The following EIF2B3 variants were observed in gnomAD, a reference collection of about 807,000 sequenced individuals.
EIF2B3 encodes the protein translation initiation factor eIF2B subunit gamma.
Under a neutral mutation model 54.1 loss-of-function variants are expected in EIF2B3, and 20 were observed. The ratio of observed to expected loss-of-function variants is 0.37; its 90% CI spans 0.26 to 0.54. EIF2B3 has a LOEUF of 0.54. Among genes scored for constraint, EIF2B3 ranks in the 20% least tolerant of loss-of-function variants. EIF2B3 has a pLI of 0.86. For synonymous variants in EIF2B3, 153 were observed against 188.1 expected (o/e 0.81, Z 1.52); for missense variants, 448 against 547.8 (o/e 0.82, Z 1.82).
intron 6 of EIF2B3, among the ~76,000 whole-genome samples, chr1:44,888,888 T>G (rs1380795959): frequency 6.6e-6 from 1 of 152,226 alleles, no homozygotes; most frequent in African/African-American, 2.4e-5. Flanking sequence ...TAGCTAGCTC[T>G]AAAAATTATC....
chr1:44,882,556 C>A (rs1655437809), intron 6 of EIF2B3, among the ~76,000 whole-genome samples: 1 of 151,972 alleles, frequency 6.6e-6, no homozygotes, highest in African/African-American at 2.4e-5. Context: ...GATTCTCCCA[C>A]CTCAGCCTCC....
At chr1:44,925,481 C>A (rs1401688520) in intron 5 of EIF2B3, among the ~76,000 whole-genome samples, 2 of 152,000 alleles carry the variant, frequency 1.3e-5, no homozygotes, top group African/African-American at 4.8e-5. Context: ...AAAGTAGAAT[C>A]GTGGGTAGCA....
Position 44,877,207 on chromosome 1 carries a change from A to AAAAAC in EIF2B3, c.976-1513_976-1512insGTTTT, listed in dbSNP as rs1325608242. 1.1e-4 allele frequency among the ~76,000 whole-genome samples: 16 copies of AAAAAC among 148,034 alleles called. 1 individual carries two copies. The highest frequency in any genetic ancestry group is 4.3e-4 in the South Asian group (2 of 4,630). On this transcript the variant is annotated intron_variant, in intron 8 of 11. Transcript: ENST00000360403. The stretch of plus-strand genomic sequence containing the variant: ...GAATGATCAATAAAAAAAAAAAAAA[A>AAAAAC]AAAAAAAAAAAAAAACACCTTAGGT...
At chr1:44,940,270 T>C (rs1644005017) in intron 4 of EIF2B3, among the ~76,000 whole-genome samples, 1 of 151,926 alleles carries the variant, frequency 6.6e-6, no homozygotes, top group African/African-American at 2.4e-5. Context: ...CATATAATAA[T>C]GACAAAATAG....
At chr1:44,860,068 C>G (rs1654562398) in intron 10 of EIF2B3, among the ~76,000 whole-genome samples, 3 of 151,812 alleles carry the variant, frequency 2.0e-5, no homozygotes, top group Admixed American at 2.0e-4. Flanking sequence ...GTGGCGTGAT[C>G]TGCCTCAAGT....
intron 3 of EIF2B3, among the ~76,000 whole-genome samples, chr1:44,975,097 A>G (rs191529730): frequency 2.0e-3 from 310 of 152,270 alleles, no homozygotes; most frequent in Non-Finnish European, 3.1e-3. Context: ...ATGTGCCTGT[A>G]GTCCCATCTA....
At chr1:44,877,196 A>T (rs1035908191) in intron 8 of EIF2B3, among the ~76,000 whole-genome samples, 2 of 142,152 alleles carry the variant, frequency 1.4e-5, no homozygotes, top group African/African-American at 2.7e-5. Context: ...GATCAATAAA[A>T]AAAAAAAAAA....
intron 3 of EIF2B3, among the ~76,000 whole-genome samples, chr1:44,975,764 A>G (rs1644446684): frequency 1.3e-5 from 2 of 152,174 alleles, no homozygotes; most frequent in Non-Finnish European, 2.9e-5. Context: ...TGAACCTGGG[A>G]GCCCGAGACC....
At chr1:44,915,204 G>A (rs1283006263) in intron 5 of EIF2B3, among the ~76,000 whole-genome samples, 2 of 151,312 alleles carry the variant, frequency 1.3e-5, no homozygotes, top group East Asian at 4.0e-4. Flanking sequence ...GGAGGCTGAG[G>A]CAGGAGAATT....
At chr1:44,969,983 G>T (rs1248987089) in intron 3 of EIF2B3, 1 of 152,182 alleles carries the variant, frequency 6.6e-6, no homozygotes, top group East Asian at 1.9e-4. Flanking sequence ...CTCACCCAGG[G>T]CCTGGGAGAA....
intron 10 of EIF2B3, among the ~76,000 whole-genome samples, chr1:44,868,517 C>T (rs1654859396): frequency 1.5e-5 from 2 of 135,882 alleles, no homozygotes; most frequent in Admixed American, 7.8e-5. Flanking sequence ...TTTTTTGAGA[C>T]AGGATTTTGC....
chr1:44,968,582 C>T (rs903448061), intron 3 of EIF2B3, among the ~76,000 whole-genome samples: 1 of 152,130 alleles, frequency 6.6e-6, no homozygotes, highest in Non-Finnish European at 1.5e-5. Context: ...TTGACAACAA[C>T]GCTGTATGTC....
intron 3 of EIF2B3, among the ~76,000 whole-genome samples, chr1:44,956,113 C>T (rs1462021891): frequency 6.6e-6 from 1 of 152,064 alleles, no homozygotes; most frequent in Non-Finnish European, 1.5e-5. Context: ...TGGAACCAAC[C>T]CAAATACCCA....
At chr1:44,899,971 T>C (rs1327827893) in intron 5 of EIF2B3, among the ~76,000 whole-genome samples, 2 of 152,168 alleles carry the variant, frequency 1.3e-5, no homozygotes, top group African/African-American at 2.4e-5. Flanking sequence ...GAAAATGTAG[T>C]GCAATATATA....
intron 3 of EIF2B3, among the ~76,000 whole-genome samples, chr1:44,966,409 A>T (rs1644340921): frequency 6.7e-6 from 1 of 148,264 alleles, no homozygotes; most frequent in African/African-American, 2.5e-5. Flanking sequence ...ACTGCACTCC[A>T]GCCTGGGCGA....
intron 5 of EIF2B3, among the ~76,000 whole-genome samples, chr1:44,897,824 T>C (rs1272132428): frequency 2.7e-5 from 4 of 150,792 alleles, no homozygotes; most frequent in Admixed American, 6.6e-5. Context: ...GCAAGCTCCG[T>C]CTCCCAGGCT....
In EIF2B3 at chr1:44,874,670, A is replaced by C. The variant is rs77068026; in HGVS notation, c.1202+8T>G. On this transcript the variant is annotated splice_region_variant and intron_variant, in intron 10 of 11. Transcript: ENST00000360403. ...CTTTGCCTCAAGTGGGTACAGGGGG[A>C]AACATACCCTTCCTCCACAGTGACT... 0.017 allele frequency: 27,441 copies of C among 1,613,938 alleles called. 455 individuals are homozygous for C. Among genetic ancestry groups the C allele is most frequent in the Admixed American group, 0.072 (4,345 of 59,982 alleles).
At chr1:44,854,498 G>C (rs1053078680) in intron 11 of EIF2B3, among the ~76,000 whole-genome samples, 6 of 151,782 alleles carry the variant, frequency 4.0e-5, no homozygotes, top group African/African-American at 1.5e-4. Flanking sequence ...ACTGAGTTAC[G>C]AGCCATACTT....
chr1:44,897,189 TA>T (rs2148914440), intron 6 of EIF2B3, among the ~76,000 whole-genome samples, 165 bp downstream of exon 6: 1 of 152,310 alleles, frequency 6.6e-6, no homozygotes, highest in East Asian at 1.9e-4. Flanking sequence ...AAAACAACAC[TA>T]TATTGATGAC....
Sources: allele counts gnomAD v4.1 joint callset (sites outside exome capture counted in the v4.1 genomes callset), GRCh38; gene constraint gnomAD v4.1.1; transcripts MANE v1.5; gene names NCBI Gene and HGNC (gene_info 2026-07-23, HGNC 2026-07-21).